The following ENTREP2 variants were observed in gnomAD, a reference collection of about 807,000 sequenced individuals.
ENTREP2 encodes the protein endosomal transmembrane epsin interactor 2, also known as protein ENTREP2.
chr15:29,486,148 A>G, the ENTREP2 span, among the ~76,000 whole-genome samples: 2 of 148,494 alleles, frequency 1.3e-5, no homozygotes, highest in African/African-American at 5.0e-5. Flanking sequence ...ATAAAATGAT[A>G]AATTGATACA....
At chr15:29,631,199 T>C in the ENTREP2 span, among the ~76,000 whole-genome samples, 1 of 152,230 alleles carries the variant, frequency 6.6e-6, no homozygotes, top group African/African-American at 2.4e-5. Context: ...GTTGAAACTT[T>C]TTGTGATGGC....
chr15:29,144,700 A>AGCTGGGGGGACAGAGTGAGAC, the ENTREP2 span, among the ~76,000 whole-genome samples: 1 of 152,204 alleles, frequency 6.6e-6, no homozygotes, highest in East Asian at 1.9e-4. Flanking sequence ...TCTGCACTCC[A>AGCTGGGGGGACAGAGTGAGAC]GCTGGGGGGA....
At chr15:29,643,661 G>A in the ENTREP2 span, among the ~76,000 whole-genome samples, 3 of 151,336 alleles carry the variant, frequency 2.0e-5, no homozygotes, top group Non-Finnish European at 4.4e-5. Flanking sequence ...GAGCACCTGA[G>A]TCCCAGCTAC....
the ENTREP2 span, chr15:29,613,370 T>C: frequency 2.7e-6 from 1 of 366,998 alleles, no homozygotes; most frequent in South Asian, 2.4e-5. Flanking sequence ...GTTGATTCAT[T>C]CCTGGATATG....
the ENTREP2 span, among the ~76,000 whole-genome samples, chr15:29,187,338 C>T: frequency 5.3e-5 from 8 of 151,984 alleles, no homozygotes; most frequent in South Asian, 2.1e-4. Flanking sequence ...TGCAGTGGTG[C>T]GATCTCTGCT....
chr15:29,204,536 C>A, the ENTREP2 span, among the ~76,000 whole-genome samples: 7 of 152,184 alleles, frequency 4.6e-5, no homozygotes, highest in East Asian at 1.4e-3. Context: ...AGGAAGGAGG[C>A]GCAGCACGGG....
the ENTREP2 span, among the ~76,000 whole-genome samples, chr15:29,657,351 AC>A: frequency 2.0e-5 from 3 of 146,816 alleles, no homozygotes; most frequent in Non-Finnish European, 4.4e-5. Flanking sequence ...GCTCTCAAAG[AC>A]GGCAGTGTTA....
At chr15:29,345,290 G>A in the ENTREP2 span, among the ~76,000 whole-genome samples, 267 of 152,222 alleles carry the variant, frequency 1.8e-3, 1 homozygote, top group Admixed American at 2.9e-3. Flanking sequence ...GAAGTTCCTC[G>A]TGACCCTTAG....
At chr15:29,133,531 C>T in the ENTREP2 span, among the ~76,000 whole-genome samples, 1 of 152,182 alleles carries the variant, frequency 6.6e-6, no homozygotes, top group African/African-American at 2.4e-5. Flanking sequence ...ATCAAAGCTG[C>T]TCTGCCAAGG....
chr15:29,623,007 G>A, the ENTREP2 span, among the ~76,000 whole-genome samples: 3 of 152,180 alleles, frequency 2.0e-5, no homozygotes, highest in African/African-American at 4.8e-5. Context: ...GTGGTTTTAC[G>A]ATGATGTTTG....
chr15:29,323,008 G>A, the ENTREP2 span, among the ~76,000 whole-genome samples: 1 of 152,182 alleles, frequency 6.6e-6, no homozygotes, highest in Non-Finnish European at 1.5e-5. Context: ...TAAATGCAAT[G>A]AATGATAGCA....
chr15:29,637,586 C>T, the ENTREP2 span, among the ~76,000 whole-genome samples: 2 of 152,148 alleles, frequency 1.3e-5, no homozygotes, highest in Non-Finnish European at 2.9e-5. Context: ...TGGGCTAGAA[C>T]ATACTCTACT....
the ENTREP2 span, among the ~76,000 whole-genome samples, chr15:29,217,804 A>AT: frequency 3.3e-5 from 5 of 151,974 alleles, no homozygotes; most frequent in African/African-American, 9.7e-5. Context: ...AACTAGTGTG[A>AT]TTTTTTGGGG....
At chr15:29,201,574 TTGAC>T in the ENTREP2 span, among the ~76,000 whole-genome samples, 6 of 152,238 alleles carry the variant, frequency 3.9e-5, no homozygotes, top group Non-Finnish European at 7.3e-5. Flanking sequence ...ATAGAATAAA[TTGAC>T]TGATTTTTGA....
chr15:29,269,737 G>C, the ENTREP2 span: 25 of 1,457,310 alleles, frequency 1.7e-5, no homozygotes, highest in Non-Finnish European at 2.2e-5. Context: ...CGCACACTCC[G>C]GTAGGCAAGC....
the ENTREP2 span, chr15:29,123,770 G>T: frequency 9.1e-7 from 1 of 1,093,408 alleles, no homozygotes; most frequent in Non-Finnish European, 1.3e-6. Flanking sequence ...GTGTTCCTGG[G>T]GCTGGCGCTC....
At chr15:29,144,720 A>T in the ENTREP2 span, among the ~76,000 whole-genome samples, 1 of 151,712 alleles carries the variant, frequency 6.6e-6, no homozygotes, top group Admixed American at 6.6e-5. Context: ...ACAGAGTGAG[A>T]CCTTGTCTCA....
At chr15:29,657,447 T>C in the ENTREP2 span, among the ~76,000 whole-genome samples, 2 of 111,286 alleles carry the variant, frequency 1.8e-5, no homozygotes, top group South Asian at 3.3e-4. Flanking sequence ...CACACAGAAG[T>C]GGACCCCTGC....
chr15:29,237,208 T>A, the ENTREP2 span, among the ~76,000 whole-genome samples: 4 of 152,226 alleles, frequency 2.6e-5, no homozygotes, highest in Admixed American at 6.5e-5. Flanking sequence ...TTTTTCACTG[T>A]TGAATTTTGA....
Sources: gnomAD v4.1 joint callset for allele counts (sites outside exome capture counted in the v4.1 genomes callset) on GRCh38, gnomAD v4.1.1 for gene constraint, MANE v1.5 for transcripts, NCBI Gene and HGNC (gene_info 2026-07-23, HGNC 2026-07-21) for gene names.